Variants in PCDHA1 observed in about 807,000 individuals in gnomAD.
The protein encoded by PCDHA1 is protocadherin alpha-1.
PCDHA1 carries 42 observed loss-of-function variants against 61.3 expected under a neutral mutation model. That is an observed-to-expected ratio of 0.69 (90% CI 0.54 to 0.89). PCDHA1 has a LOEUF of 0.89. Among genes scored for constraint, PCDHA1 ranks in the 40% least tolerant of loss-of-function variants. The probability of loss-of-function intolerance (pLI) is 0.00; values close to 1 mark genes in which losing one functional copy is unlikely to be tolerated. For missense variants in PCDHA1, 1,256 were observed against 1,235.3 expected (o/e 1.02, Z -0.25); for synonymous variants, 610 against 553.8 (o/e 1.10, Z -1.43).
intron 1 of PCDHA1, chr5:140,852,731 C>G: frequency 1.0e-6 from 1 of 983,362 alleles, no homozygotes; most frequent in Non-Finnish European, 1.2e-6. Context: ...TTTCAAGTTT[C>G]ATGTGCCATT....
At chr5:141,003,081 T>C (rs2098110268) in intron 3 of PCDHA1, among the ~76,000 whole-genome samples, 1 of 152,238 alleles carries the variant, frequency 6.6e-6, no homozygotes, top group Admixed American at 6.5e-5. Context: ...AGGGTGAGTT[T>C]AACAGGCCTG....
intron 1 of PCDHA1, chr5:140,876,310 G>A: frequency 6.2e-7 from 1 of 1,613,982 alleles, no homozygotes. Flanking sequence ...AATTTCCTAT[G>A]GGATCAAAAT....
At chr5:140,871,376 G>C in intron 1 of PCDHA1, 1 of 1,614,196 alleles carries the variant, frequency 6.2e-7, no homozygotes, top group Non-Finnish European at 8.5e-7. Flanking sequence ...CAGAGGGTGT[G>C]CTCTGAGGAG....
At chr5:140,808,912 C>G (rs538609667) in intron 1 of PCDHA1, 13 of 1,613,494 alleles carry the variant, frequency 8.1e-6, no homozygotes, top group Non-Finnish European at 1.1e-5. Context: ...GCACTGGTGG[C>G]GCAGTGAGCG....
chr5:140,883,369 C>A (rs781885590), intron 1 of PCDHA1: 4 of 1,614,064 alleles, frequency 2.5e-6, no homozygotes, highest in Non-Finnish European at 1.7e-6. Context: ...AGCCTAGCGC[C>A]ATTATTGCCC....
At position 140,996,204 on chromosome 5, in the gene PCDHA1, A is replaced by G. The variant is rs1405552013; in HGVS notation, c.2543-13423A>G. ...TCCATTTTATACCCTCAATGCAAGG[A>G]TATCACTACTTGTCTAGAAATGGTT... On this transcript the variant is annotated intron_variant, in intron 3 of 3. Coordinates refer to ENST00000504120, the MANE Select transcript of PCDHA1 (RefSeq NM_018900.4). Among the ~76,000 whole-genome samples the G allele has an allele frequency of 7.2e-5, 11 of 152,240 alleles. No homozygotes were observed. The South Asian group carries it at 2.3e-3, about 32-fold the overall frequency.
intron 1 of PCDHA1, among the ~76,000 whole-genome samples, chr5:140,946,879 G>A (rs246051): frequency 0.56 from 84,931 of 150,730 alleles, 24,535 homozygotes; most frequent in African/African-American, 0.69. Flanking sequence ...CAATGGGTAC[G>A]AAGTTACAAT....
At chr5:140,895,435 C>T (rs2065005335) in intron 1 of PCDHA1, among the ~76,000 whole-genome samples, 2 of 152,134 alleles carry the variant, frequency 1.3e-5, no homozygotes, top group African/African-American at 4.8e-5. Context: ...CCTCCTGAGA[C>T]TCTTTTCATG....
intron 3 of PCDHA1, among the ~76,000 whole-genome samples, chr5:140,999,619 G>A (rs2097865766): frequency 6.6e-6 from 1 of 152,146 alleles, no homozygotes; most frequent in Non-Finnish European, 1.5e-5. Flanking sequence ...TTATCAACCA[G>A]GAAACAAGGT....
At chr5:140,854,909 G>T (rs1295662316) in intron 1 of PCDHA1, among the ~76,000 whole-genome samples, 1 of 149,376 alleles carries the variant, frequency 6.7e-6, no homozygotes, top group Non-Finnish European at 1.5e-5. Flanking sequence ...AATATAACAG[G>T]GTTGAAAGCA....
intron 1 of PCDHA1, chr5:140,802,719 G>C (rs1554122310): frequency 3.7e-6 from 6 of 1,612,610 alleles, no homozygotes; most frequent in Non-Finnish European, 4.2e-6. Flanking sequence ...GTCGAGCTAC[G>C]TGTCGGTACA....
intron 1 of PCDHA1, among the ~76,000 whole-genome samples, chr5:140,837,701 TC>T (rs1775215037): frequency 6.6e-6 from 1 of 151,452 alleles, no homozygotes; most frequent in South Asian, 2.1e-4. Context: ...CAAGACACGC[TC>T]TCACTCCATC....
At position 140,950,434 on chromosome 5, in the gene PCDHA1, A is replaced by G. The variant is rs554490421; in HGVS notation, c.2395-28515A>G. Among the ~76,000 whole-genome samples, 4 of 152,176 alleles carry G rather than the reference A, an allele frequency of 2.6e-5. No homozygotes were observed. The South Asian group carries it at 8.3e-4, about 32-fold the overall frequency. On this transcript the variant is annotated intron_variant, in intron 1 of 3. Transcript: ENST00000504120. ...AGATTTTATTTTCTTCCACTTAAAA[A>G]AAATGTTATTCTACTGTCTTCTAAT...
Position 140,982,524 on chromosome 5 carries a change from C to T in PCDHA1, c.2503C>T (p.Pro835Ser). ...CATTCTACGGGCTGGTCCAGGAGGG[C>T]CTGATCAGCAGTGGCCAACAGTATC... ...AGILRAGPGG[P>S]DQQWPTVSSA... Residue 835 changes from proline to serine, a missense_variant, in exon 3 of 4, where the codon CCT (proline) becomes TCT (serine). Transcript: ENST00000504120. The T allele has an allele frequency of 6.2e-7, 1 of 1,614,170 alleles. No homozygotes were observed. Among genetic ancestry groups the T allele is most frequent in the Non-Finnish European group, 8.5e-7 (1 of 1,180,030 alleles).
chr5:140,804,733 A>G (rs1763450932), intron 1 of PCDHA1: 2 of 197,406 alleles, frequency 1.0e-5, no homozygotes, highest in East Asian at 2.4e-4. Context: ...CACTACCCCT[A>G]CATATTTGGT....
Position 140,850,525 on chromosome 5 carries a change from A to G in PCDHA1, c.2394+61841A>G, listed in dbSNP as rs2041657187. Reference sequence around the variant, plus strand: ...CTGGTGGAGAGCGGCCAGGCGCCAAAGTCATCGTCGCGGGCGTCAGTGGGT... The same window carrying G: ...CTGGTGGAGAGCGGCCAGGCGCCAAGGTCATCGTCGCGGGCGTCAGTGGGT... On this transcript the variant is annotated intron_variant, in intron 1 of 3. Transcript: ENST00000504120. 5.6e-6 allele frequency: 9 copies of G among 1,598,066 alleles called. 2 individuals are homozygous for G. Among genetic ancestry groups the G allele is most frequent in the African/African-American group, 1.3e-5 (1 of 74,316 alleles).
chr5:140,801,974 C>G, intron 1 of PCDHA1: 1 of 1,614,146 alleles, frequency 6.2e-7, no homozygotes, highest in Non-Finnish European at 8.5e-7. Flanking sequence ...CAAATGGTAC[C>G]CTAGTGGTGA....
At chr5:140,884,344 G>C in intron 1 of PCDHA1, 1 of 1,613,904 alleles carries the variant, frequency 6.2e-7, no homozygotes, top group Non-Finnish European at 8.5e-7. Context: ...CAGAAGCGGC[G>C]CTGGTGGATG....
chr5:140,801,942 G>GTCAGA lies in PCDHA1; in HGVS notation c.2394+13260_2394+13264dup, dbSNP rs782338092. On this transcript the variant is annotated intron_variant, in intron 1 of 3. Transcript: ENST00000504120. ...AGCGTTTGAGAGGACGATCTATAAA[G>GTCAGA]TCAGATTACTCGAAAATGCACCAAA... 61 of 1,614,190 alleles carry GTCAGA rather than the reference G, an allele frequency of 3.8e-5. 2 individuals carry two copies. In the South Asian group the frequency reaches 6.6e-4, roughly 17 times the overall value.
Sources: gnomAD v4.1 joint callset for allele counts (sites outside exome capture counted in the v4.1 genomes callset) on GRCh38, gnomAD v4.1.1 for gene constraint, MANE v1.5 for transcripts, NCBI Gene and HGNC (gene_info 2026-07-23, HGNC 2026-07-21) for gene names.